Variants in THSD7A observed in about 807,000 individuals in gnomAD.
THSD7A encodes thrombospondin type 1 domain containing 7A.
THSD7A carries 96 observed loss-of-function variants against 231.3 expected under a neutral mutation model. The ratio of observed to expected loss-of-function variants is 0.41; its 90% CI spans 0.35 to 0.49. THSD7A has a LOEUF of 0.49. THSD7A is among the 20% of genes least tolerant of loss of function. THSD7A has a pLI of 0.05. For missense variants in THSD7A, 2,290 were observed against 2,070.2 expected (o/e 1.11, Z -2.06); for synonymous variants, 940 against 743.3 (o/e 1.26, Z -4.30).
chr7:11,654,332 G>T (rs930885167), intron 1 of THSD7A, among the ~76,000 whole-genome samples: 2 of 151,898 alleles, frequency 1.3e-5, no homozygotes, highest in Admixed American at 6.6e-5. Context: ...TAATTCTGAT[G>T]AAAGGATGTG....
At chr7:11,686,072 T>G (rs10228061) in intron 1 of THSD7A, among the ~76,000 whole-genome samples, 59,895 of 151,534 alleles carry the variant, frequency 0.4, 11,859 homozygotes, top group Non-Finnish European at 0.42. Context: ...GTTAGCAAAC[T>G]AACACAGAAA....
intron 1 of THSD7A, among the ~76,000 whole-genome samples, chr7:11,806,026 C>G (rs549537443): frequency 7.9e-5 from 12 of 152,200 alleles, no homozygotes; most frequent in African/African-American, 2.9e-4. Flanking sequence ...CCTTCATTAA[C>G]AAAAGTAGTT....
intron 4 of THSD7A, among the ~76,000 whole-genome samples, chr7:11,570,773 G>A (rs1051195657): frequency 6.6e-6 from 1 of 152,224 alleles, no homozygotes; most frequent in Non-Finnish European, 1.5e-5. Flanking sequence ...AGCCAGGAGA[G>A]ACTGTAGGGA....
rs891739890 is a variant in THSD7A, at chr7:11,814,489, T to C, written c.190+17268A>G. ...TAGAAAATTACCTCAAGAAGAATGA[T>C]CTTGAAAGCTCTGAAAACTTTCATC... is the stretch of plus-strand genomic sequence containing the variant. On this transcript the variant is annotated intron_variant, in intron 1 of 27. Transcript: ENST00000423059. The surrounding 1 kb of genome is among the most constrained non-coding windows in gnomAD (Gnocchi z 5.1). 6.6e-6 allele frequency among the ~76,000 whole-genome samples: 1 copy of C among 152,218 alleles called. No individual in the cohort carries two copies. The highest frequency in any genetic ancestry group is 1.5e-5 in the Non-Finnish European group (1 of 68,042).
chr7:11,407,290 T>C lies in THSD7A; in HGVS notation c.3916+16A>G, dbSNP rs1374350505. 6.3e-7 allele frequency: 1 copy of C among 1,597,022 alleles called. No individual in the cohort carries two copies. Among genetic ancestry groups the C allele is most frequent in the Non-Finnish European group, 8.6e-7 (1 of 1,167,174 alleles). On this transcript the variant is annotated intron_variant, in intron 20 of 27. Coordinates refer to ENST00000423059, the MANE Select transcript of THSD7A (RefSeq NM_015204.3). ...CCTTGACCAGTAGCCTAATATAAGT[T>C]ATGGTACAAACAAACCTGTGAGGCC...
chr7:11,679,794 C>T (rs1466234632), intron 1 of THSD7A, among the ~76,000 whole-genome samples: 3 of 152,098 alleles, frequency 2.0e-5, no homozygotes, highest in Admixed American at 6.5e-5. Context: ...AGATTTAATG[C>T]TATCCTGATC....
intron 4 of THSD7A, among the ~76,000 whole-genome samples, chr7:11,566,562 G>A (rs546173720): frequency 3.9e-4 from 59 of 152,258 alleles, no homozygotes; most frequent in African/African-American, 1.4e-3. Flanking sequence ...ACCTATTAGA[G>A]ATGCCATGTA....
intron 11 of THSD7A, among the ~76,000 whole-genome samples, chr7:11,451,877 G>A (rs544474282): frequency 6.6e-6 from 1 of 152,120 alleles, no homozygotes; most frequent in South Asian, 2.1e-4. Flanking sequence ...CAAGAAGAAG[G>A]TGTTCTATTG....
At chr7:11,765,831 T>A (rs1783013584) in intron 1 of THSD7A, among the ~76,000 whole-genome samples, 1 of 152,022 alleles carries the variant, frequency 6.6e-6, no homozygotes, top group African/African-American at 2.4e-5. Flanking sequence ...TATCAGAAAA[T>A]AAATCCAATT....
rs145115797 is a variant in THSD7A at position 11,680,581 on chromosome 7, C to T, written c.191-43620G>A. On this transcript the variant is annotated intron_variant, in intron 1 of 27. Coordinates refer to ENST00000423059, the MANE Select transcript of THSD7A (RefSeq NM_015204.3). ...TTCTCAAAAGAAGATATTTATGTGG[C>T]CAACAAACATATGACAACAAGCTCA... 7.3e-3 allele frequency among the ~76,000 whole-genome samples: 1,117 copies of T among 152,250 alleles called. 12 individuals are homozygous for T. The highest frequency in any genetic ancestry group is 0.025 in the African/African-American group (1,053 of 41,538).
intron 22 of THSD7A, 95 bp from the exon 23 acceptor site, chr7:11,402,063 G>C: frequency 1.0e-6 from 1 of 968,796 alleles, no homozygotes; most frequent in South Asian, 1.7e-5. Context: ...CAATGTTTCT[G>C]GTATCCCAGG....
At chr7:11,725,196 T>G (rs556987247) in intron 1 of THSD7A, among the ~76,000 whole-genome samples, 1 of 152,112 alleles carries the variant, frequency 6.6e-6, no homozygotes, top group East Asian at 1.9e-4. Context: ...AACAATTAAT[T>G]AAAAGTAAAT....
At chr7:11,787,044 C>T (rs1018564032) in intron 1 of THSD7A, among the ~76,000 whole-genome samples, 1 of 151,974 alleles carries the variant, frequency 6.6e-6, no homozygotes, top group Non-Finnish European at 1.5e-5. Context: ...TTCTGGATTT[C>T]TAGTTTCATA....
intron 6 of THSD7A, among the ~76,000 whole-genome samples, chr7:11,512,493 T>C (rs907996785): frequency 6.6e-6 from 1 of 152,174 alleles, no homozygotes; most frequent in Non-Finnish European, 1.5e-5. Flanking sequence ...CACATATTTT[T>C]ATTTTGGCAC....
chr7:11,490,872 A>G (rs1052099130), intron 6 of THSD7A, among the ~76,000 whole-genome samples: 5 of 152,110 alleles, frequency 3.3e-5, no homozygotes, highest in Non-Finnish European at 7.4e-5. Flanking sequence ...AATAGTACTT[A>G]TGGTATTCCC....
At chr7:11,423,328 G>C (rs531015779) in intron 16 of THSD7A, among the ~76,000 whole-genome samples, 24 of 150,986 alleles carry the variant, frequency 1.6e-4, no homozygotes, top group African/African-American at 5.8e-4. Flanking sequence ...TGGGTTATGG[G>C]TAAGAATGAA....
At chr7:11,398,573 T>G (rs1047710880) in intron 23 of THSD7A, among the ~76,000 whole-genome samples, 1 of 152,036 alleles carries the variant, frequency 6.6e-6, no homozygotes, top group African/African-American at 2.4e-5. Context: ...TAATTCATAT[T>G]AAGAAAAGAA....
chr7:11,454,529 T>G (rs1172865563), intron 11 of THSD7A, among the ~76,000 whole-genome samples: 2 of 151,826 alleles, frequency 1.3e-5, no homozygotes, highest in Non-Finnish European at 2.9e-5. Flanking sequence ...ATTTAAATGC[T>G]GTGTCTCTTT....
intron 1 of THSD7A, among the ~76,000 whole-genome samples, chr7:11,826,946 T>C (rs939786529): frequency 1.3e-5 from 2 of 152,118 alleles, no homozygotes; most frequent in African/African-American, 4.8e-5. Context: ...CAAAGATAAG[T>C]TAACTTTGAA....
Sources: gnomAD v4.1 joint callset for allele counts (sites outside exome capture counted in the v4.1 genomes callset) on GRCh38, gnomAD v4.1.1 for gene constraint, Gnocchi (gnomAD v3.1) non-coding constraint, MANE v1.5 for transcripts, NCBI Gene and HGNC (gene_info 2026-07-23, HGNC 2026-07-21) for gene names.